The following MICU3 variants were observed in gnomAD, a reference collection of about 807,000 sequenced individuals.
MICU3 encodes the protein calcium uptake protein 3, mitochondrial.
In MICU3, 62 loss-of-function variants were observed where a neutral mutation model predicts 66.5. The ratio of observed to expected loss-of-function variants is 0.93; its 90% CI spans 0.76 to 1.15. MICU3 has a LOEUF of 1.15. Ranked by LOEUF, MICU3 falls within the 50% of genes most tolerant of loss-of-function variation. The pLI is 0.00. For synonymous variants in MICU3, 308 were observed against 240.7 expected (o/e 1.28, Z -2.59); for missense variants, 779 against 664.4 (o/e 1.17, Z -1.90).
intron 2 of MICU3, among the ~76,000 whole-genome samples, chr8:17,066,116 T>C (rs911515506): frequency 9.9e-5 from 15 of 152,090 alleles, no homozygotes; most frequent in African/African-American, 2.7e-4. Context: ...ATAAGTGTTA[T>C]ATCCTTTTTA....
intron 4 of MICU3, among the ~76,000 whole-genome samples, chr8:17,080,666 C>G (rs1347116772): frequency 2.6e-5 from 4 of 152,046 alleles, no homozygotes; most frequent in Non-Finnish European, 4.4e-5. Flanking sequence ...AACTATCTGT[C>G]TATAGGTCAC....
intron 2 of MICU3, among the ~76,000 whole-genome samples, chr8:17,065,034 T>C (rs1312562010): frequency 6.6e-6 from 1 of 152,110 alleles, no homozygotes; most frequent in East Asian, 1.9e-4. Context: ...AATCACAATT[T>C]CAATTTTGGT....
At chr8:17,036,396 C>G (rs1300353660) in intron 1 of MICU3, among the ~76,000 whole-genome samples, 2 of 152,024 alleles carry the variant, frequency 1.3e-5, no homozygotes, top group Non-Finnish European at 2.9e-5. Flanking sequence ...GAAGGGGACC[C>G]GAGCGGGTTG....
intron 7 of MICU3, among the ~76,000 whole-genome samples, chr8:17,088,446 A>G (rs551120909): frequency 5.3e-5 from 8 of 152,130 alleles, no homozygotes; most frequent in African/African-American, 1.9e-4. Flanking sequence ...TATTTCTTGT[A>G]AATAATATAC....
chr8:17,034,658 A>T, intron 1 of MICU3, among the ~76,000 whole-genome samples: 1 of 152,230 alleles, frequency 6.6e-6, no homozygotes, highest in Non-Finnish European at 1.5e-5. Flanking sequence ...TCAAGATTTC[A>T]GTGAAGGAAG....
At chr8:17,119,277 T>G (rs1802987998) in intron 14 of MICU3, among the ~76,000 whole-genome samples, 1 of 152,276 alleles carries the variant, frequency 6.6e-6, no homozygotes, top group South Asian at 2.1e-4. Flanking sequence ...TACTTCCTAT[T>G]TATTATAACT....
intron 5 of MICU3, among the ~76,000 whole-genome samples, chr8:17,083,935 G>A (rs919035315): frequency 3.9e-5 from 6 of 152,080 alleles, no homozygotes; most frequent in African/African-American, 1.4e-4. Context: ...AGATGGGACA[G>A]GGTATAGTTT....
At position 17,094,666 on chromosome 8, in the gene MICU3, G is replaced by A. The variant is rs527952209; in HGVS notation, c.889-3792G>A. Among the ~76,000 whole-genome samples, 16 of 151,982 alleles carry A rather than the reference G, an allele frequency of 1.1e-4. No individual in the cohort carries two copies. In the East Asian group the frequency reaches 1.7e-3, roughly 17 times the overall value. ...ATTTTAAAAAAAAAATGTCTACCAG[G>A]TACTGAAATCTGAATAACCATGGTT... On this transcript the variant is annotated intron_variant, in intron 8 of 14. Transcript: ENST00000318063.
chr8:17,090,250 A>G (rs1213182975), intron 7 of MICU3, among the ~76,000 whole-genome samples: 2 of 152,118 alleles, frequency 1.3e-5, no homozygotes, highest in South Asian at 2.1e-4. Flanking sequence ...ATCAAACCGC[A>G]TACTTCAGGA....
chr8:17,040,309 A>C (rs892666876), intron 1 of MICU3, among the ~76,000 whole-genome samples: 2 of 152,350 alleles, frequency 1.3e-5, no homozygotes, highest in South Asian at 4.1e-4. Context: ...AAAAGATTTT[A>C]ATAAATCCTT....
At chr8:17,090,403 T>G in intron 7 of MICU3, 143 bp from the exon 8 acceptor site, 1 of 628,392 alleles carries the variant, frequency 1.6e-6, no homozygotes, top group Non-Finnish European at 2.8e-6. Context: ...ACTTGTATTG[T>G]TCGTGTGCTC....
At position 17,122,041 on chromosome 8, in the gene MICU3, T is replaced by G. The variant is rs1803232281; in HGVS notation, c.*1754T>G. 1 of 151,886 alleles carries G rather than the reference T, an allele frequency of 6.6e-6. No homozygotes were observed. Among genetic ancestry groups the G allele is most frequent in the Non-Finnish European group, 1.5e-5 (1 of 67,754 alleles). 9.4% of individuals were successfully genotyped at this position (151,886 alleles called of 1,614,324 possible). The stretch of plus-strand genomic sequence containing the variant: ...ACTATGTTGCGTACATGGCAAATCC[T>G]GCAAATATAGATTAAAAATTAAATT... On this transcript the variant is annotated 3_prime_UTR_variant, in exon 15 of 15. Transcript: ENST00000318063.
At position 17,098,191 on chromosome 8, in the gene MICU3, A is replaced by G. The variant is rs548039046; in HGVS notation, c.889-267A>G. 3.3e-5 allele frequency among the ~76,000 whole-genome samples: 5 copies of G among 151,838 alleles called. No individual in the cohort carries two copies. The East Asian group carries it at 9.7e-4, about 29-fold the overall frequency. On this transcript the variant is annotated intron_variant, in intron 8 of 14. Transcript: ENST00000318063. ...TACACACGTTTCAGTAGAGGGGCAG[A>G]AGGAGAGATCGGAGAATTTGATTCT...
intron 8 of MICU3, among the ~76,000 whole-genome samples, chr8:17,097,331 T>C (rs2517038): frequency 1 from 151,792 of 151,838 alleles, 75,874 homozygotes; most frequent in Middle Eastern, 1. Flanking sequence ...AAGCTTATAT[T>C]ATTATAAAGG....
downstream of MICU3, chr8:17,122,646 T>C (rs905188135): frequency 1.3e-5 from 2 of 151,988 alleles, no homozygotes; most frequent in African/African-American, 4.8e-5. Flanking sequence ...CAAGAAACAT[T>C]GTACTTGGCT....
chr8:17,121,934 A>G lies in MICU3; in HGVS notation c.*1647A>G, dbSNP rs972216401. On this transcript the variant is annotated 3_prime_UTR_variant, in exon 15 of 15. Coordinates refer to ENST00000318063, the MANE Select transcript of MICU3 (RefSeq NM_181723.3). The stretch of plus-strand genomic sequence containing the variant: ...ACATACCTCAGGTCTATTTTACCTT[A>G]CACTGAATGTTCTTAATATGATTTG... 5 of 151,818 alleles carry G rather than the reference A, an allele frequency of 3.3e-5. No individual in the cohort carries two copies. The highest frequency in any genetic ancestry group is 5.9e-5 in the Non-Finnish European group (4 of 67,734). The allele number at this position is 151,818 out of a possible 1,614,324, so 9.4% of individuals were successfully genotyped here. A position where few individuals can be genotyped will look rare whatever the true frequency, so the allele number is the denominator to read the frequency against.
At chr8:17,071,846 A>G (rs1174446664) in intron 3 of MICU3, among the ~76,000 whole-genome samples, 1 of 152,142 alleles carries the variant, frequency 6.6e-6, no homozygotes, top group Non-Finnish European at 1.5e-5. Flanking sequence ...AGGTACTTAA[A>G]AGCAATGCCT....
intron 2 of MICU3, among the ~76,000 whole-genome samples, chr8:17,068,909 C>G (rs181792966): frequency 8.7e-4 from 132 of 152,218 alleles, no homozygotes; most frequent in African/African-American, 3.1e-3. Context: ...AGGGCTTAAT[C>G]AAATGTAAAC....
At chr8:17,059,724 AT>A (rs1395205809) in intron 1 of MICU3, among the ~76,000 whole-genome samples, 2 of 152,186 alleles carry the variant, frequency 1.3e-5, no homozygotes, top group Non-Finnish European at 2.9e-5. Context: ...AGAATAAAAG[AT>A]CCCATTCTCA....
Sources: allele counts gnomAD v4.1 joint callset (sites outside exome capture counted in the v4.1 genomes callset), GRCh38; gene constraint gnomAD v4.1.1; transcripts MANE v1.5; gene names NCBI Gene and HGNC (gene_info 2026-07-23, HGNC 2026-07-21).